Variants in CNTNAP2 observed in about 807,000 individuals in gnomAD.
CNTNAP2 encodes the protein contactin-associated protein-like 2.
A neutral mutation model predicts 155.2 loss-of-function variants in CNTNAP2; 98 were observed. The observed-to-expected ratio is 0.63, with a 90% CI of 0.54 to 0.75. The LOEUF (loss-of-function observed/expected upper bound fraction) is 0.75. CNTNAP2 is among the 30% of genes least tolerant of loss of function. The pLI is 0.00. For missense variants in CNTNAP2, 1,727 were observed against 1,688.1 expected, an observed-to-expected ratio of 1.02 and a Z score of -0.40; for synonymous variants, 651 against 631.2, an observed-to-expected ratio of 1.03 and a Z score of -0.47.
intron 10 of CNTNAP2, among the ~76,000 whole-genome samples, chr7:147,440,446 A>G (rs1014964775): frequency 5.3e-5 from 8 of 151,900 alleles, no homozygotes; most frequent in Non-Finnish European, 1.2e-4. Context: ...AAGTAGTTGT[A>G]GTTATTATTT....
chr7:146,790,757 GGC>G, intron 2 of CNTNAP2, among the ~76,000 whole-genome samples: 1 of 151,950 alleles, frequency 6.6e-6, no homozygotes, highest in East Asian at 2.0e-4. Context: ...TTTTAGTAGA[GGC>G]AGGGTTTCAC....
rs376578001 is a variant in CNTNAP2, at chr7:146,741,229, G to A, written c.98-33042G>A. 7.2e-5 allele frequency among the ~76,000 whole-genome samples: 11 copies of A among 152,078 alleles called. No homozygotes were observed. In the East Asian group the frequency reaches 7.7e-4, roughly 11 times the overall value. On this transcript the variant is annotated intron_variant, in intron 1 of 23. Transcript: ENST00000361727. ...ACAACGAGGCACTGTGATCTCTCAC[G>A]TGGTAAAAAGATCCTAGCCCTTGTG...
intron 22 of CNTNAP2, among the ~76,000 whole-genome samples, chr7:148,393,302 C>T (rs185864921): frequency 2.0e-5 from 3 of 152,248 alleles, no homozygotes; most frequent in East Asian, 1.9e-4. Flanking sequence ...CTCTCACACT[C>T]AGTCTTTTTA....
chr7:146,497,473 T>C (rs1001223596), intron 1 of CNTNAP2, among the ~76,000 whole-genome samples: 1 of 152,112 alleles, frequency 6.6e-6, no homozygotes, highest in Non-Finnish European at 1.5e-5. Flanking sequence ...ACACTTCTCT[T>C]TTTTTGGAGA....
intron 3 of CNTNAP2, among the ~76,000 whole-genome samples, chr7:146,872,349 A>G (rs1365708399): frequency 6.6e-6 from 1 of 152,184 alleles, no homozygotes; most frequent in Non-Finnish European, 1.5e-5. Context: ...AGTTGGAAAC[A>G]AAATCTGTGA....
chr7:146,339,796 G>A (rs956786903), intron 1 of CNTNAP2, among the ~76,000 whole-genome samples: 1 of 151,878 alleles, frequency 6.6e-6, no homozygotes, highest in African/African-American at 2.4e-5. Context: ...TACTCTTTTC[G>A]TGCAATGGTC....
intron 9 of CNTNAP2, among the ~76,000 whole-genome samples, chr7:147,357,289 T>C (rs968213810): frequency 1.3e-5 from 2 of 152,092 alleles, no homozygotes; most frequent in Admixed American, 6.6e-5. Context: ...TCTGTGCTCC[T>C]GCATCTAGAC....
At chr7:147,827,713 A>G (rs898167496) in intron 13 of CNTNAP2, among the ~76,000 whole-genome samples, 1 of 152,184 alleles carries the variant, frequency 6.6e-6, no homozygotes, top group African/African-American at 2.4e-5. Context: ...TGCTGGCTAT[A>G]GTCTCATAGA....
At chr7:146,300,178 A>C (rs1445149124) in intron 1 of CNTNAP2, among the ~76,000 whole-genome samples, 1 of 152,224 alleles carries the variant, frequency 6.6e-6, no homozygotes, top group African/African-American at 2.4e-5. Context: ...TATAAGAACA[A>C]AGAATATATA....
At chr7:147,551,191 T>C (rs546174108) in intron 11 of CNTNAP2, among the ~76,000 whole-genome samples, 1 of 152,354 alleles carries the variant, frequency 6.6e-6, no homozygotes, top group South Asian at 2.1e-4. Context: ...CAGGTTCAAC[T>C]ATTCTAGCAG....
chr7:148,138,323 C>G (rs1414737010), intron 16 of CNTNAP2, among the ~76,000 whole-genome samples: 4 of 152,198 alleles, frequency 2.6e-5, no homozygotes, highest in African/African-American at 9.7e-5. Context: ...TCAGCTTGGT[C>G]TGTGTTGAAA....
At chr7:148,305,460 G>C (rs1481370201) in intron 21 of CNTNAP2, among the ~76,000 whole-genome samples, 1 of 152,106 alleles carries the variant, frequency 6.6e-6, no homozygotes, top group Non-Finnish European at 1.5e-5. Flanking sequence ...GGCTGGATAG[G>C]CCTTGGGCAT....
intron 1 of CNTNAP2, among the ~76,000 whole-genome samples, chr7:146,721,231 C>T (rs182613189): frequency 7.8e-6 from 1 of 127,684 alleles, no homozygotes; most frequent in Admixed American, 8.2e-5. Flanking sequence ...TATATATTCT[C>T]TATATACTCT....
chr7:148,084,853 A>G (rs774033591), intron 15 of CNTNAP2, among the ~76,000 whole-genome samples: 10 of 152,218 alleles, frequency 6.6e-5, no homozygotes, highest in Non-Finnish European at 1.0e-4. Context: ...ATTCAAGGCA[A>G]TTTGGCTGGT....
At chr7:147,229,004 G>T (rs917030621) in intron 8 of CNTNAP2, among the ~76,000 whole-genome samples, 1 of 151,892 alleles carries the variant, frequency 6.6e-6, no homozygotes, top group East Asian at 1.9e-4. Context: ...TTGTATGGCT[G>T]CATAGTATTC....
intron 15 of CNTNAP2, among the ~76,000 whole-genome samples, chr7:148,071,570 G>A (rs1234884381): frequency 6.6e-6 from 1 of 152,152 alleles, no homozygotes; most frequent in African/African-American, 2.4e-5. Flanking sequence ...TGAGGAAGGT[G>A]CGAATCATCT....
intron 17 of CNTNAP2, among the ~76,000 whole-genome samples, chr7:148,154,410 C>T (rs1563216876): frequency 6.6e-6 from 1 of 152,222 alleles, no homozygotes; most frequent in Non-Finnish European, 1.5e-5. Context: ...AGTCCAACCT[C>T]CCCAAATTCT....
chr7:147,738,674 A>G lies in CNTNAP2; in HGVS notation c.2098+99368A>G, dbSNP rs1288716189. Among the ~76,000 whole-genome samples the G allele has an allele frequency of 4.3e-5, 5 of 116,490 alleles. No individual in the cohort carries two copies. In the East Asian group the frequency reaches 8.2e-4, roughly 19 times the overall value. 76.4% of individuals were successfully genotyped at this position (116,490 alleles called of 152,430 possible). A position where few individuals can be genotyped will look rare whatever the true frequency, so the allele number is the denominator to read the frequency against. On this transcript the variant is annotated intron_variant, in intron 13 of 23. Coordinates refer to ENST00000361727, the MANE Select transcript of CNTNAP2 (RefSeq NM_014141.6). Reference sequence around the variant, plus strand: ...ACTTTTTTTTTTTATTTTTTTTTTTAGGTGGAGTCTTGCTCTGTTGCCCAA... The same window carrying G: ...ACTTTTTTTTTTTATTTTTTTTTTTGGGTGGAGTCTTGCTCTGTTGCCCAA...
At chr7:146,417,744 T>A (rs1795957869) in intron 1 of CNTNAP2, among the ~76,000 whole-genome samples, 1 of 152,188 alleles carries the variant, frequency 6.6e-6, no homozygotes, top group Admixed American at 6.5e-5. Context: ...GAAAGTAGTT[T>A]CAACAGGTGA....
Sources: allele counts gnomAD v4.1 joint callset (sites outside exome capture counted in the v4.1 genomes callset), GRCh38; gene constraint gnomAD v4.1.1; transcripts MANE v1.5; gene names NCBI Gene and HGNC (gene_info 2026-07-23, HGNC 2026-07-21).